Variants in PLCB4 observed in about 807,000 individuals in gnomAD.
The protein encoded by PLCB4 is phospholipase C beta 4, also known as 1-phosphatidylinositol 4,5-bisphosphate phosphodiesterase beta-4.
PLCB4 carries 77 observed loss-of-function variants against 178.8 expected under a neutral mutation model. The observed-to-expected ratio is 0.43, with a 90% CI of 0.36 to 0.52. PLCB4 has a LOEUF of 0.52. Ranked by LOEUF, PLCB4 falls within the 20% of genes least tolerant of loss-of-function variation. The probability of loss-of-function intolerance (pLI) is 0.00; values close to 1 mark genes in which losing one functional copy is unlikely to be tolerated. For missense variants in PLCB4, 1,024 were observed against 1,453.4 expected (o/e 0.70, Z 4.80); for synonymous variants, 496 against 490.8 (o/e 1.01, Z -0.14).
intron 2 of PLCB4, among the ~76,000 whole-genome samples, chr20:9,188,113 A>C (rs1278688918): frequency 6.6e-6 from 1 of 152,220 alleles, no homozygotes; most frequent in East Asian, 1.9e-4. Flanking sequence ...GCTTTCGTGG[A>C]GCTTACATTC....
intron 2 of PLCB4, among the ~76,000 whole-genome samples, chr20:9,102,158 C>T (rs1171466254): frequency 2.6e-5 from 4 of 152,122 alleles, no homozygotes; most frequent in Non-Finnish European, 5.9e-5. Context: ...AATCAGAGTT[C>T]TGAGTGAGTT....
chr20:9,381,614 T>C (rs2037148846), intron 13 of PLCB4, among the ~76,000 whole-genome samples: 1 of 152,208 alleles, frequency 6.6e-6, no homozygotes, highest in Non-Finnish European at 1.5e-5. Flanking sequence ...GAAGTGACCA[T>C]TGACACATCT....
rs142848623 is a variant in PLCB4 at position 9,299,440 on chromosome 20, C to G, written c.-15-8360C>G. On this transcript the variant is annotated intron_variant, in intron 3 of 39. Transcript: ENST00000378473. The stretch of plus-strand genomic sequence containing the variant: ...TTTGGTATATGTCTTGCTAGTTTTT[C>G]CCGTTGTAAAACAGTGTACATATGT... Among the ~76,000 whole-genome samples the G allele has an allele frequency of 7.1e-3, 1,084 of 151,976 alleles. 8 individuals carry two copies. The highest frequency in any genetic ancestry group is 0.02 in the Middle Eastern group (6 of 294).
chr20:9,213,516 A>G (rs2093696179), intron 2 of PLCB4, among the ~76,000 whole-genome samples: 1 of 152,146 alleles, frequency 6.6e-6, no homozygotes, highest in Non-Finnish European at 1.5e-5. Context: ...TTGCTGGATA[A>G]TATTCTATTA....
Position 9,349,492 on chromosome 20 carries a change from A to G in PLCB4, c.369+10455A>G, listed in dbSNP as rs540275917. 1.6e-3 allele frequency among the ~76,000 whole-genome samples: 249 copies of G among 152,356 alleles called. 1 individual carries two copies. Among genetic ancestry groups the G allele is most frequent in the African/African-American group, 5.4e-3 (225 of 41,584 alleles). On this transcript the variant is annotated intron_variant, in intron 7 of 39. Transcript: ENST00000378473. The stretch of plus-strand genomic sequence containing the variant: ...CCCATGATCTGTGAGGTGGATTTTC[A>G]TGGGCGCTCAGCTCTTGCTGTTTTA...
intron 2 of PLCB4, among the ~76,000 whole-genome samples, chr20:9,177,651 C>T (rs972842562): frequency 5.9e-5 from 9 of 152,148 alleles, no homozygotes; most frequent in Non-Finnish European, 1.3e-4. Context: ...TGCATCAAGT[C>T]ATGAAAGACA....
At chr20:9,182,246 G>T (rs746026058) in intron 2 of PLCB4, among the ~76,000 whole-genome samples, 1 of 152,052 alleles carries the variant, frequency 6.6e-6, no homozygotes, top group African/African-American at 2.4e-5. Context: ...GCTGACTATT[G>T]GTTTACCCCA....
At chr20:9,279,280 T>C (rs2094474578) in intron 3 of PLCB4, among the ~76,000 whole-genome samples, 1 of 152,096 alleles carries the variant, frequency 6.6e-6, no homozygotes, top group Non-Finnish European at 1.5e-5. Context: ...AGTGTAAAAG[T>C]TGAATTCAGT....
At chr20:9,328,266 T>C (rs1335240016) in intron 4 of PLCB4, among the ~76,000 whole-genome samples, 2 of 152,126 alleles carry the variant, frequency 1.3e-5, no homozygotes, top group Admixed American at 6.5e-5. Flanking sequence ...AAAACACAAG[T>C]TGTTGTAGGG....
intron 2 of PLCB4, among the ~76,000 whole-genome samples, chr20:9,125,548 C>T (rs150462713): frequency 2.0e-3 from 299 of 152,136 alleles, no homozygotes; most frequent in Admixed American, 3.7e-3. Context: ...TCCTACTAGA[C>T]AATCAAATAT....
chr20:9,340,557 A>G (rs978871853), intron 7 of PLCB4, among the ~76,000 whole-genome samples: 2 of 152,128 alleles, frequency 1.3e-5, no homozygotes, highest in African/African-American at 4.8e-5. Flanking sequence ...AGGTCACCTC[A>G]CTTTGGGAGA....
At chr20:9,396,328 T>C (rs1488038785) in intron 19 of PLCB4, among the ~76,000 whole-genome samples, 2 of 152,182 alleles carry the variant, frequency 1.3e-5, no homozygotes, top group Admixed American at 6.5e-5. Flanking sequence ...AGGCAAATGA[T>C]TGGTTTGTCT....
chr20:9,397,095 A>G (rs1354702096), intron 19 of PLCB4, among the ~76,000 whole-genome samples: 1 of 152,190 alleles, frequency 6.6e-6, no homozygotes, highest in Admixed American at 6.5e-5. Context: ...ATTGAAGCCA[A>G]TCCTCTCAAA....
chr20:9,327,041 C>A (rs562185697), intron 4 of PLCB4, among the ~76,000 whole-genome samples: 1 of 152,272 alleles, frequency 6.6e-6, no homozygotes, highest in Admixed American at 6.5e-5. Flanking sequence ...GTTTTCTCAT[C>A]TGTAAGGTAG....
chr20:9,462,365 AG>A lies in PLCB4; in HGVS notation c.3248+2557del, dbSNP rs573982114. Among the ~76,000 whole-genome samples the A allele has an allele frequency of 1.6e-3, 242 of 152,322 alleles. 1 individual carries two copies. Among genetic ancestry groups the A allele is most frequent in the African/African-American group, 5.7e-3 (235 of 41,572 alleles). ...AACCAGAGCACCTCTTCTCCTCCAA[AG>A]GATCGCAGCTCCTTGCCAGCAATGG... On this transcript the variant is annotated intron_variant, in intron 35 of 39. Coordinates refer to ENST00000378473, the MANE Select transcript of PLCB4 (RefSeq NM_001377142.1).
intron 7 of PLCB4, among the ~76,000 whole-genome samples, chr20:9,346,913 C>T (rs988407003): frequency 8.5e-5 from 13 of 152,174 alleles, no homozygotes; most frequent in African/African-American, 3.1e-4. Flanking sequence ...CTCCTGGGGC[C>T]TCCCATGACC....
intron 4 of PLCB4, among the ~76,000 whole-genome samples, chr20:9,315,178 A>G (rs980028271): frequency 2.6e-5 from 4 of 152,216 alleles, no homozygotes; most frequent in African/African-American, 9.6e-5. Flanking sequence ...AAATGTGTAT[A>G]CTTATATGAG....
intron 19 of PLCB4, among the ~76,000 whole-genome samples, chr20:9,400,340 G>GA (rs1371005937): frequency 1.1e-4 from 16 of 152,042 alleles, no homozygotes; most frequent in Non-Finnish European, 2.2e-4. Flanking sequence ...CCATTCACTG[G>GA]AAAAAACCGT....
chr20:9,241,603 AG>A (rs1475735593), intron 3 of PLCB4, among the ~76,000 whole-genome samples: 1 of 152,228 alleles, frequency 6.6e-6, no homozygotes, highest in African/African-American at 2.4e-5. Flanking sequence ...GATTATGTCT[AG>A]AGTAGCAATG....
Sources: allele counts gnomAD v4.1 joint callset (sites outside exome capture counted in the v4.1 genomes callset), GRCh38; gene constraint gnomAD v4.1.1; transcripts MANE v1.5; gene names NCBI Gene and HGNC (gene_info 2026-07-23, HGNC 2026-07-21).